The following PCDH9 variants were observed in gnomAD, a reference collection of about 807,000 sequenced individuals.
The protein encoded by PCDH9 is protocadherin-9.
Under a neutral mutation model 70.6 loss-of-function variants are expected in PCDH9, and 24 were observed. The observed-to-expected ratio is 0.34, with a 90% CI of 0.25 to 0.48. The LOEUF (loss-of-function observed/expected upper bound fraction) is 0.48. Ranked by LOEUF, PCDH9 falls within the 20% of genes least tolerant of loss-of-function variation. The pLI is 0.99. For missense variants in PCDH9, 1,281 were observed against 1,503.6 expected (o/e 0.85, Z 2.45); for synonymous variants, 562 against 558.5 (o/e 1.01, Z -0.09).
At chr13:66,417,729 G>T (rs903519528) in intron 4 of PCDH9, among the ~76,000 whole-genome samples, 1 of 152,166 alleles carries the variant, frequency 6.6e-6, no homozygotes, top group African/African-American at 2.4e-5. Context: ...TCTCACTGTG[G>T]TTTTGATTTG....
intron 3 of PCDH9, among the ~76,000 whole-genome samples, chr13:66,691,047 A>T (rs910630711): frequency 2.6e-5 from 4 of 151,828 alleles, no homozygotes; most frequent in South Asian, 2.1e-4. Flanking sequence ...TATTTATTTT[A>T]TTTATTTTGA....
chr13:66,861,331 T>C (rs2081480903), intron 3 of PCDH9, among the ~76,000 whole-genome samples: 1 of 152,218 alleles, frequency 6.6e-6, no homozygotes, highest in South Asian at 2.1e-4. Flanking sequence ...AAAATTACCC[T>C]GATTGCAGTG....
intron 2 of PCDH9, among the ~76,000 whole-genome samples, chr13:66,931,670 A>G (rs2082811227): frequency 6.6e-6 from 1 of 152,162 alleles, no homozygotes; most frequent in Admixed American, 6.6e-5. Context: ...CAGCAAGCAC[A>G]TGACTTTTCT....
intron 3 of PCDH9, among the ~76,000 whole-genome samples, chr13:66,856,157 A>G (rs547651771): frequency 6.6e-6 from 1 of 152,162 alleles, no homozygotes; most frequent in East Asian, 1.9e-4. Context: ...ATAAATAGGA[A>G]CCTTAAAAAG....
At chr13:66,562,850 G>A (rs954257253) in intron 4 of PCDH9, among the ~76,000 whole-genome samples, 2 of 152,046 alleles carry the variant, frequency 1.3e-5, no homozygotes, top group Non-Finnish European at 2.9e-5. Flanking sequence ...AGGATAAAAC[G>A]AAACTAGCAG....
intron 2 of PCDH9, among the ~76,000 whole-genome samples, chr13:67,057,619 T>C (rs1382386749): frequency 6.6e-6 from 1 of 152,198 alleles, no homozygotes; most frequent in East Asian, 1.9e-4. Context: ...AGACCAGATA[T>C]AATAAAGATT....
At chr13:67,172,148 G>C (rs1285132265) in intron 2 of PCDH9, among the ~76,000 whole-genome samples, 1 of 152,126 alleles carries the variant, frequency 6.6e-6, no homozygotes, top group African/African-American at 2.4e-5. Flanking sequence ...TGTGGTCATG[G>C]TACTATTTCA....
intron 2 of PCDH9, among the ~76,000 whole-genome samples, chr13:67,000,623 TA>T (rs1344070262): frequency 1.4e-4 from 22 of 152,092 alleles, no homozygotes; most frequent in Admixed American, 9.2e-4. Flanking sequence ...AAACTAAATA[TA>T]TTTAACTATT....
At chr13:66,364,306 C>CA (rs1280954645) in intron 4 of PCDH9, among the ~76,000 whole-genome samples, 2 of 152,188 alleles carry the variant, frequency 1.3e-5, no homozygotes, top group African/African-American at 4.8e-5. Context: ...TACATATACT[C>CA]AGATACATTT....
chr13:67,222,903 A>G (rs1349704376), intron 2 of PCDH9: 1 of 152,170 alleles, frequency 6.6e-6, no homozygotes, highest in Non-Finnish European at 1.5e-5. Flanking sequence ...TCGTTCATTC[A>G]TAGGAAATAT....
chr13:67,065,064 T>A (rs2085620228), intron 2 of PCDH9, among the ~76,000 whole-genome samples: 1 of 152,192 alleles, frequency 6.6e-6, no homozygotes, highest in African/African-American at 2.4e-5. Flanking sequence ...GGGGGAATTA[T>A]GGTGACATTG....
At position 66,512,815 on chromosome 13, in the gene PCDH9, T is replaced by TTTTTG. The variant is rs749756361; in HGVS notation, c.3340+118390_3340+118394dup. On this transcript the variant is annotated intron_variant, in intron 4 of 4. Coordinates refer to ENST00000377865, the MANE Select transcript of PCDH9 (RefSeq NM_203487.3). ...TTCTTTTCTCTTTTCTTTCTTTCTT[T>TTTTTG]TTTTGTTTTGTTTTGTTTTGTTTTG... Among the ~76,000 whole-genome samples, 123 of 152,182 alleles carry TTTTTG rather than the reference T, an allele frequency of 8.1e-4. 1 individual carries two copies. The South Asian group carries it at 8.7e-3, about 11-fold the overall frequency.
At chr13:67,106,762 A>G (rs2086553354) in intron 2 of PCDH9, among the ~76,000 whole-genome samples, 1 of 152,188 alleles carries the variant, frequency 6.6e-6, no homozygotes, top group African/African-American at 2.4e-5. Flanking sequence ...CAGGCTCAGA[A>G]GTGCCCACTC....
At chr13:67,212,107 T>C (rs1485109840) in intron 2 of PCDH9, 2 of 152,290 alleles carry the variant, frequency 1.3e-5, no homozygotes, top group East Asian at 3.9e-4. Flanking sequence ...TACTATATTT[T>C]ATTAACACCT....
At chr13:66,562,777 A>C (rs1212635208) in intron 4 of PCDH9, among the ~76,000 whole-genome samples, 1 of 152,084 alleles carries the variant, frequency 6.6e-6, no homozygotes, top group Non-Finnish European at 1.5e-5. Flanking sequence ...GTCTGCCTTG[A>C]GTAAGTGGAT....
intron 3 of PCDH9, among the ~76,000 whole-genome samples, chr13:66,900,865 T>C (rs184869260): frequency 2.0e-5 from 3 of 151,812 alleles, no homozygotes; most frequent in Non-Finnish European, 3.0e-5. Context: ...AGGGGAAATA[T>C]AAATTGTGAA....
At chr13:66,381,411 C>A (rs1178421607) in intron 4 of PCDH9, among the ~76,000 whole-genome samples, 3 of 152,122 alleles carry the variant, frequency 2.0e-5, no homozygotes, top group Non-Finnish European at 2.9e-5. Flanking sequence ...GTATAAGTAG[C>A]CCCTTAGTAG....
chr13:66,642,917 A>G (rs1281020096), intron 3 of PCDH9, among the ~76,000 whole-genome samples: 3 of 152,000 alleles, frequency 2.0e-5, no homozygotes, highest in African/African-American at 7.2e-5. Context: ...ATCAGTCTCA[A>G]TTTTATTCTC....
chr13:66,831,523 C>A (rs1000557595), intron 3 of PCDH9, among the ~76,000 whole-genome samples: 1 of 151,896 alleles, frequency 6.6e-6, no homozygotes, highest in African/African-American at 2.4e-5. Flanking sequence ...AAGATGACAC[C>A]GACACAAACA....
Sources: gnomAD v4.1 joint callset for allele counts (sites outside exome capture counted in the v4.1 genomes callset) on GRCh38, gnomAD v4.1.1 for gene constraint, MANE v1.5 for transcripts, NCBI Gene and HGNC (gene_info 2026-07-23, HGNC 2026-07-21) for gene names.